The following ZNF354C variants were observed in gnomAD, a reference collection of about 807,000 sequenced individuals.
ZNF354C encodes KRAB-zinc finger protein synten.
A neutral mutation model predicts 12.4 loss-of-function variants in ZNF354C; 7 were observed. The observed-to-expected ratio is 0.56, with a 90% CI of 0.32 to 1.06. ZNF354C has a LOEUF of 1.06. Among genes scored for constraint, ZNF354C ranks in the 50% least tolerant of loss-of-function variants. ZNF354C has a pLI of 0.04. For synonymous variants in ZNF354C, 202 were observed against 224.5 expected, an observed-to-expected ratio of 0.90 and a Z score of 0.90; for missense variants, 609 against 658.0, an observed-to-expected ratio of 0.93 and a Z score of 0.81.
At position 179,082,698 on chromosome 5, in the gene ZNF354C, ATC is replaced by A; in HGVS notation, c.*2603_*2604del. ...TTAGTCAATGACACCAGCTTGACGG[ATC>A]TTTCTTTCTGCACCAAACCCCATTG... On this transcript the variant is annotated 3_prime_UTR_variant, in exon 5 of 5. Transcript: ENST00000315475. 6.3e-7 allele frequency: 1 copy of A among 1,593,040 alleles called. No homozygotes were observed. The highest frequency in any genetic ancestry group is 8.6e-7 in the Non-Finnish European group (1 of 1,163,182).
intron 2 of ZNF354C, among the ~76,000 whole-genome samples, chr5:179,073,641 GGTTTTTT>G (rs368281379): frequency 6.6e-6 from 1 of 151,814 alleles, no homozygotes; most frequent in African/African-American, 2.4e-5. Context: ...AAGGCAGCAT[GGTTTTTT>G]GTTGTTGTTG....
intron 2 of ZNF354C, among the ~76,000 whole-genome samples, chr5:179,067,721 G>A (rs370707533): frequency 6.1e-4 from 93 of 152,256 alleles, no homozygotes; most frequent in African/African-American, 2.1e-3. Flanking sequence ...GGTGGCGCAC[G>A]CCTGTAATCC....
rs1426391621 is a variant in ZNF354C, at chr5:179,062,215, A to G, written c.27+120A>G. Reference sequence around the variant, plus strand: ...CCAACCAAAACGATGAAGAATCCGGAACCTCAAAAGTTTTTCCCAGTGTCT... The same window carrying G: ...CCAACCAAAACGATGAAGAATCCGGGACCTCAAAAGTTTTTCCCAGTGTCT... On this transcript the variant is annotated intron_variant, in intron 2 of 4. Coordinates refer to ENST00000315475, the MANE Select transcript of ZNF354C (RefSeq NM_014594.3). The G allele has an allele frequency of 4.5e-6, 6 of 1,334,872 alleles. No homozygotes were observed. The East Asian group carries it at 1.4e-4, about 31-fold the overall frequency. The allele number at this position is 1,334,872 out of a possible 1,614,324, so 82.7% of individuals were successfully genotyped here. A position where few individuals can be genotyped will look rare whatever the true frequency, so the allele number is the denominator to read the frequency against.
rs1762234903 is a variant in ZNF354C, at chr5:179,082,057, TAG to T, written c.*1962_*1963del. ...CTTCTTTTAAATGTACATGGAATGATAGATTTGGAAAAATTACCATTTTACAA... is the reference window on the plus strand; with the variant it reads ...CTTCTTTTAAATGTACATGGAATGATATTTGGAAAAATTACCATTTTACAA... On this transcript the variant is annotated 3_prime_UTR_variant, in exon 5 of 5. Coordinates refer to ENST00000315475, the MANE Select transcript of ZNF354C (RefSeq NM_014594.3). The T allele has an allele frequency of 6.6e-6, 1 of 152,272 alleles. No individual in the cohort carries two copies. The highest frequency in any genetic ancestry group is 2.1e-4 in the South Asian group (1 of 4,836). 9.4% of individuals were successfully genotyped at this position (152,272 alleles called of 1,614,324 possible).
Position 179,078,720 on chromosome 5 carries a change from TA to T in ZNF354C, c.289del (p.Arg97AspfsTer6), listed in dbSNP as rs1453645281. 6.2e-7 allele frequency: 1 copy of T among 1,610,788 alleles called. No homozygotes were observed. Among genetic ancestry groups the T allele is most frequent in the East Asian group, 2.2e-5 (1 of 44,838 alleles). On this transcript the variant is annotated frameshift_variant, in exon 5 of 5. Coordinates refer to ENST00000315475, the MANE Select transcript of ZNF354C (RefSeq NM_014594.3). LOFTEE classifies it low-confidence loss of function (END_TRUNC). Reference sequence around the variant, plus strand: ...GGCTTGAAACAGAAGCATTGCCTCATAGACAGGACATTTTTATAGAAGAAAC... The same window carrying T: ...GGCTTGAAACAGAAGCATTGCCTCATGACAGGACATTTTTATAGAAGAAAC... ...TWLETEALPH[R>X]QDIFIEETSQ...
chr5:179,079,729 A>C lies in ZNF354C; in HGVS notation c.1297A>C (p.Ile433Leu), dbSNP rs1341677096. 6.2e-7 allele frequency: 1 copy of C among 1,614,036 alleles called. No individual in the cohort carries two copies. Among genetic ancestry groups the C allele is most frequent in the African/African-American group, 1.3e-5 (1 of 74,924 alleles). The stretch of plus-strand genomic sequence containing the variant: ...TTCATCCTTTAATGAACATCGGAAA[A>C]TTCATACTGGGGAAAAACTTTATAC... ...QYSSFNEHRK[I>L]HTGEKLYTCE... is the part of the protein sequence containing the mutation. The change falls in exon 5 of 5, where the codon ATT becomes CTT. Residue 433 changes from isoleucine to leucine, a missense_variant. Coordinates refer to ENST00000315475, the MANE Select transcript of ZNF354C (RefSeq NM_014594.3). The surrounding 1 kb of genome is among the most constrained non-coding windows in gnomAD (Gnocchi z 4.2).
At position 179,079,440 on chromosome 5, in the gene ZNF354C, C is replaced by T; in HGVS notation, c.1008C>T (p.Ala336=). The change falls in exon 5 of 5, where the codon GCC becomes GCT. Residue 336 remains alanine, a synonymous_variant. Transcript: ENST00000315475. The surrounding 1 kb of genome is among the most constrained non-coding windows in gnomAD (Gnocchi z 4.2). The part of the protein sequence containing the change: ...KLYKCGECEK[A]FNCRAKLHRH... ...ATAAATGCGGCGAATGTGAGAAGGC[C>T]TTCAACTGTAGAGCAAAACTTCACA... 1 of 1,614,008 alleles carries T rather than the reference C, an allele frequency of 6.2e-7. No homozygotes were observed. The highest frequency in any genetic ancestry group is 8.5e-7 in the Non-Finnish European group (1 of 1,180,000).
chr5:179,072,759 T>C (rs1360581549), intron 2 of ZNF354C, among the ~76,000 whole-genome samples: 1 of 152,338 alleles, frequency 6.6e-6, no homozygotes, highest in Non-Finnish European at 1.5e-5. Flanking sequence ...TATATTTTCT[T>C]TGACCCAGTA....
At chr5:179,063,573 A>G (rs1195876532) in intron 2 of ZNF354C, among the ~76,000 whole-genome samples, 1 of 152,210 alleles carries the variant, frequency 6.6e-6, no homozygotes, top group African/African-American at 2.4e-5. Flanking sequence ...AAGAACCCCA[A>G]AAAGTAGTAA....
rs756004318 is a variant in ZNF354C, at chr5:179,076,514, C to T, written c.97C>T (p.Gln33Ter). 2 of 1,614,178 alleles carry T rather than the reference C, an allele frequency of 1.2e-6. No individual in the cohort carries two copies. The highest frequency in any genetic ancestry group is 1.7e-6 in the Non-Finnish European group (2 of 1,180,032). Reference protein sequence around the residue: ...QDEWLHLDSAQRALYREVMLE... With the variant: ...QDEWLHLDSA ...CGAGTGGTTGCACCTGGACTCTGCC[C>T]AGAGGGCCTTGTACCGGGAGGTGAT... Residue 33 changes from glutamine to a stop codon, truncating the protein, a stop_gained, in exon 3 of 5, where the codon CAG becomes TAG. Coordinates refer to ENST00000315475, the MANE Select transcript of ZNF354C (RefSeq NM_014594.3). LOFTEE classifies it high-confidence loss of function.
Position 179,080,952 on chromosome 5 carries a change from A to T in ZNF354C, c.*855A>T, listed in dbSNP as rs1762219523. ...TCTGGTAGCTCATTAGAGCCAGGAGAGATTTTAGTTTAATTATAGCCTTTC... is the reference window on the plus strand; with the variant it reads ...TCTGGTAGCTCATTAGAGCCAGGAGTGATTTTAGTTTAATTATAGCCTTTC... On this transcript the variant is annotated 3_prime_UTR_variant, in exon 5 of 5. Transcript: ENST00000315475. 1 of 152,138 alleles carries T rather than the reference A, an allele frequency of 6.6e-6. No individual in the cohort carries two copies. Among genetic ancestry groups the T allele is most frequent in the Non-Finnish European group, 1.5e-5 (1 of 68,024 alleles). The allele number at this position is 152,138 out of a possible 1,614,324, so 9.4% of individuals were successfully genotyped here.
rs1318884274 is a variant in ZNF354C, at chr5:179,078,897, T to C, written c.465T>C (p.Ser155=). The change falls in exon 5 of 5, where the codon AGT becomes AGC. Residue 155 remains serine (S), a synonymous_variant. Transcript: ENST00000315475. Reference sequence around the variant, plus strand: ...TAGATTCGCATGAGAAAACCATCAGTGAAGATGGAAACCATACAAGTCTTG... The same window carrying C: ...TAGATTCGCATGAGAAAACCATCAGCGAAGATGGAAACCATACAAGTCTTG... ...QMIDSHEKTI[S]EDGNHTSLEL... 1 of 1,614,108 alleles carries C rather than the reference T, an allele frequency of 6.2e-7. No homozygotes were observed.
In ZNF354C at chr5:179,078,309, G is replaced by A. The variant is rs142882675; in HGVS notation, c.251-374G>A. Among the ~76,000 whole-genome samples the A allele has an allele frequency of 1.7e-3, 264 of 152,312 alleles. 1 individual carries two copies. The highest frequency in any genetic ancestry group is 4.1e-3 in the African/African-American group (170 of 41,570). On this transcript the variant is annotated intron_variant, in intron 4 of 4. Transcript: ENST00000315475. ...GACAGGCTGCCTACTTCATTGCCTG[G>A]TATATGCATAGTGGAAAATGATGAC...
chr5:179,072,723 A>C (rs1762066580), intron 2 of ZNF354C, among the ~76,000 whole-genome samples: 1 of 152,228 alleles, frequency 6.6e-6, no homozygotes. Context: ...AAAAGTAAAC[A>C]GAAGCAAATA....
In ZNF354C at chr5:179,062,094, A is replaced by C. The variant is rs777192403; in HGVS notation, c.26A>C (p.Gln9Pro). The change falls in exon 2 of 5, where the codon CAG (glutamine) becomes CCG (proline). Residue 9 changes from glutamine (Q) to proline (P), a missense_variant and splice_region_variant. Physicochemically the swap from Gln to Pro is moderately conservative, Grantham distance 76 (BLOSUM62 -1). Transcript: ENST00000315475. ...ATGGCTGTGGATCTGCTGTCTGCTCAGGTGAGAGTGAGTGAAGGTTGTCTT... is the reference window on the plus strand; with the variant it reads ...ATGGCTGTGGATCTGCTGTCTGCTCCGGTGAGAGTGAGTGAAGGTTGTCTT... MAVDLLSA[Q>P]EPVTFRDVAV... The C allele has an allele frequency of 6.2e-7, 1 of 1,614,056 alleles. No homozygotes were observed. The highest frequency in any genetic ancestry group is 1.7e-5 in the Admixed American group (1 of 60,008).
At chr5:179,062,664 C>T (rs1202813231) in intron 2 of ZNF354C, among the ~76,000 whole-genome samples, 1 of 152,168 alleles carries the variant, frequency 6.6e-6, no homozygotes, top group Non-Finnish European at 1.5e-5. Context: ...TTAGAGAAGA[C>T]TAAGGGCATC....
chr5:179,062,778 A>G (rs540849177), intron 2 of ZNF354C, among the ~76,000 whole-genome samples: 2 of 152,260 alleles, frequency 1.3e-5, no homozygotes, highest in Non-Finnish European at 2.9e-5. Context: ...CCAAATGTCC[A>G]TCTCACCTGT....
chr5:179,082,852 C>T lies in ZNF354C; in HGVS notation c.*2755C>T. 1 of 1,227,392 alleles carries T rather than the reference C, an allele frequency of 8.1e-7. No individual in the cohort carries two copies. The highest frequency in any genetic ancestry group is 1.2e-6 in the Non-Finnish European group (1 of 829,142). The allele number at this position is 1,227,392 out of a possible 1,614,324, so 76.0% of individuals were successfully genotyped here. ...GGAGCTGCAACAGCCTTGGGGCCCT[C>T]ACAGACTCGCCAAACATTCCAGGCA... is the stretch of plus-strand genomic sequence containing the variant. On this transcript the variant is annotated 3_prime_UTR_variant, in exon 5 of 5. Coordinates refer to ENST00000315475, the MANE Select transcript of ZNF354C (RefSeq NM_014594.3).
chr5:179,077,296 T>G (rs1007678777), intron 4 of ZNF354C, 130 bp downstream of exon 4: 21 of 700,484 alleles, frequency 3.0e-5, no homozygotes, highest in Non-Finnish European at 4.8e-5. Context: ...GTATTTTGTT[T>G]GAGTTGTATA....
Sources: allele counts gnomAD v4.1 joint callset (sites outside exome capture counted in the v4.1 genomes callset), GRCh38; gene constraint gnomAD v4.1.1; non-coding constraint Gnocchi (gnomAD v3.1); transcripts MANE v1.5; gene names NCBI Gene and HGNC (gene_info 2026-07-23, HGNC 2026-07-21).